Variants in CDS1 observed in about 807,000 individuals in gnomAD.
CDS1 encodes the protein phosphatidate cytidylyltransferase 1.
A neutral mutation model predicts 62.1 loss-of-function variants in CDS1; 41 were observed. The observed-to-expected ratio is 0.66, with a 90% CI of 0.51 to 0.86. The LOEUF (loss-of-function observed/expected upper bound fraction) is 0.86. Among genes scored for constraint, CDS1 ranks in the 40% least tolerant of loss-of-function variants. CDS1 has a pLI of 0.00. For missense variants in CDS1, 470 were observed against 550.1 expected, an observed-to-expected ratio of 0.85 and a Z score of 1.46; for synonymous variants, 185 against 192.6, an observed-to-expected ratio of 0.96 and a Z score of 0.32.
intron 1 of CDS1, among the ~76,000 whole-genome samples, chr4:84,597,459 G>A (rs1291554809): frequency 1.3e-5 from 2 of 151,848 alleles, no homozygotes; most frequent in Non-Finnish European, 2.9e-5. Context: ...GCAACATAGG[G>A]AGACCCTGTC....
chr4:84,639,875 A>C (rs1724324707), intron 9 of CDS1, among the ~76,000 whole-genome samples: 1 of 152,040 alleles, frequency 6.6e-6, no homozygotes, highest in Non-Finnish European at 1.5e-5. Context: ...TTGTGGTAGA[A>C]TATTGATGAG....
At chr4:84,611,009 A>G (rs2110053921) in intron 3 of CDS1, among the ~76,000 whole-genome samples, 1 of 152,354 alleles carries the variant, frequency 6.6e-6, no homozygotes, top group South Asian at 2.1e-4. Context: ...TAAGAGAGCA[A>G]AGACGGAGCT....
At position 84,649,395 on chromosome 4, in the gene CDS1, G is replaced by A. The variant is rs899590817; in HGVS notation, c.*709G>A. ...CGCAAAAACTTTTCAAGAGCAACAA[G>A]GAAGAATTCTGCTGTGAAGAACACA... On this transcript the variant is annotated 3_prime_UTR_variant, in exon 13 of 13. Coordinates refer to ENST00000295887, the MANE Select transcript of CDS1 (RefSeq NM_001263.4). 1 of 152,238 alleles carries A rather than the reference G, an allele frequency of 6.6e-6. No individual in the cohort carries two copies. The highest frequency in any genetic ancestry group is 2.4e-5 in the African/African-American group (1 of 41,442). The allele number at this position is 152,238 out of a possible 1,614,324, so 9.4% of individuals were successfully genotyped here.
chr4:84,636,156 A>G (rs915834772), intron 8 of CDS1, among the ~76,000 whole-genome samples: 2 of 151,982 alleles, frequency 1.3e-5, no homozygotes, highest in Admixed American at 6.6e-5. Flanking sequence ...TCTCCCTTCA[A>G]CCTGTCGCCT....
chr4:84,639,635 A>C (rs1307545634), intron 9 of CDS1, among the ~76,000 whole-genome samples: 1 of 152,184 alleles, frequency 6.6e-6, no homozygotes, highest in Non-Finnish European at 1.5e-5. Context: ...TGTACAAAAA[A>C]GTACTGTCAG....
At chr4:84,605,816 A>G (rs1447436822) in intron 2 of CDS1, among the ~76,000 whole-genome samples, 1 of 152,174 alleles carries the variant, frequency 6.6e-6, no homozygotes, top group East Asian at 1.9e-4. Context: ...GTATTGTTTC[A>G]GGCACTTTAT....
intron 1 of CDS1, among the ~76,000 whole-genome samples, chr4:84,592,752 T>C (rs917313344): frequency 6.6e-6 from 1 of 152,194 alleles, no homozygotes; most frequent in Admixed American, 6.5e-5. Context: ...GAAAGCAGTG[T>C]TGCTTTTCTG....
chr4:84,584,713 A>G (rs1398406827), intron 1 of CDS1, among the ~76,000 whole-genome samples: 1 of 151,852 alleles, frequency 6.6e-6, no homozygotes, highest in Non-Finnish European at 1.5e-5. Context: ...CTTAGTACTA[A>G]AACTTTAGAA....
In CDS1 at chr4:84,640,895, GA is replaced by G; in HGVS notation, c.938del (p.Asp313ValfsTer2). 4.3e-6 allele frequency: 7 copies of G among 1,611,332 alleles called. No homozygotes were observed. Among genetic ancestry groups the G allele is most frequent in the Non-Finnish European group, 5.9e-6 (7 of 1,178,802 alleles). ...TGTCTGCCCAGTGGAATACCGAAGT[GA>G]TGTAAACTCCTTCGTGACAGAATGT... ...YFVCPVEYRS[D>X]VNSFVTECEP... On this transcript the variant is annotated frameshift_variant, in exon 10 of 13. Transcript: ENST00000295887. LOFTEE classifies it high-confidence loss of function.
intron 3 of CDS1, 116 bp from the exon 4 acceptor site, chr4:84,617,448 A>C: frequency 1.6e-6 from 1 of 621,504 alleles, no homozygotes; most frequent in Non-Finnish European, 2.8e-6. Context: ...ATTTAGCATA[A>C]TTAAACATTG....
At chr4:84,586,326 T>C (rs1722419135) in intron 1 of CDS1, among the ~76,000 whole-genome samples, 1 of 152,226 alleles carries the variant, frequency 6.6e-6, no homozygotes, top group South Asian at 2.1e-4. Flanking sequence ...GAAATAATTA[T>C]ACAACTCACC....
At chr4:84,616,218 T>C (rs1220235183) in intron 3 of CDS1, among the ~76,000 whole-genome samples, 5 of 152,244 alleles carry the variant, frequency 3.3e-5, no homozygotes, top group Non-Finnish European at 7.3e-5. Flanking sequence ...CAAAGGTTAT[T>C]TGAAGAAGGA....
At chr4:84,609,155 G>A (rs1204907731) in intron 2 of CDS1, among the ~76,000 whole-genome samples, 2 of 149,110 alleles carry the variant, frequency 1.3e-5, no homozygotes, top group Non-Finnish European at 3.0e-5. Flanking sequence ...CTCCAGCCTG[G>A]GTGCGACAGA....
intron 7 of CDS1, among the ~76,000 whole-genome samples, chr4:84,634,970 G>A (rs986417075): frequency 3.9e-5 from 6 of 152,028 alleles, no homozygotes; most frequent in African/African-American, 1.5e-4. Flanking sequence ...ATTGTAACAT[G>A]TTCCTCATAA....
intron 9 of CDS1, 110 bp from the exon 10 acceptor site, chr4:84,640,728 A>C: frequency 9.2e-3 from 3,199 of 347,304 alleles, no homozygotes; most frequent in Non-Finnish European, 0.011. Flanking sequence ...AAATTCTGGC[A>C]TTCTATCTCT....
At chr4:84,599,408 A>ATG (rs1202267243) in intron 1 of CDS1, among the ~76,000 whole-genome samples, 48 of 6,660 alleles carry the variant, frequency 7.2e-3, no homozygotes, top group African/African-American at 0.025. Context: ...ACACACACAT[A>ATG]TATATATATA....
intron 1 of CDS1, among the ~76,000 whole-genome samples, chr4:84,601,367 G>A (rs984845223): frequency 2.0e-5 from 3 of 152,116 alleles, no homozygotes; most frequent in Non-Finnish European, 4.4e-5. Context: ...GAAGGAGGCA[G>A]CATTTTGATG....
At chr4:84,634,623 T>C (rs1724121029) in intron 7 of CDS1, among the ~76,000 whole-genome samples, 2 of 152,138 alleles carry the variant, frequency 1.3e-5, no homozygotes, top group African/African-American at 4.8e-5. Context: ...TTGACAGCTT[T>C]ATGTCTTTTT....
intron 10 of CDS1, among the ~76,000 whole-genome samples, chr4:84,642,730 A>T (rs534410697): frequency 6.6e-6 from 1 of 152,306 alleles, no homozygotes; most frequent in East Asian, 1.9e-4. Context: ...ATTCTTTGTA[A>T]GAAGTAAAGT....
Sources: allele counts gnomAD v4.1 joint callset (sites outside exome capture counted in the v4.1 genomes callset), GRCh38; gene constraint gnomAD v4.1.1; transcripts MANE v1.5; gene names NCBI Gene and HGNC (gene_info 2026-07-23, HGNC 2026-07-21).